FAM151B: variants seen among roughly 807,000 people sequenced by gnomAD.
The protein encoded by FAM151B is family with sequence similarity 151 member B, also known as protein FAM151B.
In FAM151B, 24 loss-of-function variants were observed where a neutral mutation model predicts 31.2. The ratio of observed to expected loss-of-function variants is 0.77; its 90% CI spans 0.56 to 1.08. FAM151B has a LOEUF of 1.08. FAM151B is among the 50% of genes least tolerant of loss of function. FAM151B has a pLI of 0.00. For missense variants in FAM151B, 293 were observed against 328.6 expected, an observed-to-expected ratio of 0.89 and a Z score of 0.84; for synonymous variants, 105 against 111.4, an observed-to-expected ratio of 0.94 and a Z score of 0.36.
At chr5:80,506,129 C>G (rs767577960) in intron 2 of FAM151B, 2 of 984,804 alleles carry the variant, frequency 2.0e-6, no homozygotes, top group Non-Finnish European at 2.4e-6. Context: ...ATTTGTAGCT[C>G]CAGGGGTGCA....
chr5:80,519,987 G>T, intron 4 of FAM151B, 77 bp downstream of exon 4: 2 of 1,348,664 alleles, frequency 1.5e-6, no homozygotes, highest in South Asian at 1.4e-5. Context: ...TTAATACAAA[G>T]ACCAAAACCC....
intron 1 of FAM151B, chr5:80,498,851 G>C: frequency 2.5e-6 from 1 of 399,408 alleles, no homozygotes; most frequent in Non-Finnish European, 4.8e-6. Flanking sequence ...CCAGTTGCTT[G>C]CCAGCAGAGA....
intron 3 of FAM151B, among the ~76,000 whole-genome samples, chr5:80,517,142 T>TGAGA (rs888398500): frequency 4.6e-5 from 7 of 151,378 alleles, no homozygotes; most frequent in Admixed American, 4.6e-4. Context: ...TATGCTATTT[T>TGAGA]GAGAGAGAGA....
chr5:80,495,668 A>C (rs1385966660), intron 1 of FAM151B, among the ~76,000 whole-genome samples: 6 of 152,094 alleles, frequency 3.9e-5, no homozygotes, highest in Non-Finnish European at 5.9e-5. Context: ...GTCTCTACTA[A>C]AAATGCAAAA....
intron 1 of FAM151B, among the ~76,000 whole-genome samples, chr5:80,499,126 G>A (rs1743651503): frequency 6.6e-6 from 1 of 152,166 alleles, no homozygotes. Flanking sequence ...GCACTTGCTA[G>A]GCTCTTAATA....
At chr5:80,530,898 T>C (rs972384938) in intron 5 of FAM151B, among the ~76,000 whole-genome samples, 6 of 152,142 alleles carry the variant, frequency 3.9e-5, no homozygotes, top group Non-Finnish European at 7.3e-5. Context: ...TTAAAATTCA[T>C]ATGGAACCAA....
chr5:80,514,398 C>T (rs866778589), intron 3 of FAM151B, among the ~76,000 whole-genome samples: 13 of 151,594 alleles, frequency 8.6e-5, no homozygotes, highest in Middle Eastern at 3.4e-3. Flanking sequence ...TTGCTTGAAC[C>T]TGGGAGGCGG....
intron 5 of FAM151B, among the ~76,000 whole-genome samples, chr5:80,535,663 G>C (rs447863): frequency 0.78 from 119,160 of 152,142 alleles, 46,895 homozygotes; most frequent in African/African-American, 0.84. Context: ...GGAAACCCTT[G>C]AAGACATTGG....
In FAM151B at chr5:80,519,787, C is replaced by G. The variant is rs200214780; in HGVS notation, c.412C>G (p.Pro138Ala). ...VWINADILPG[P>A]NGNSKVIDAK... ...GATTAATGCCGATATTCTTCCTGGT[C>G]CAAATGGAAATAGCAAAGTAATAGA... is the stretch of plus-strand genomic sequence containing the variant. Residue 138 changes from proline to alanine, a missense_variant, in exon 4 of 6, where the codon CCA becomes GCA. By Grantham distance (27) the Pro-to-Ala change is conservative. Transcript: ENST00000282226. 4.4e-5 allele frequency: 71 copies of G among 1,613,962 alleles called. No homozygotes were observed. The highest frequency in any genetic ancestry group is 5.7e-5 in the Non-Finnish European group (67 of 1,180,014).
intron 5 of FAM151B, among the ~76,000 whole-genome samples, chr5:80,541,041 G>A (rs925310005): frequency 2.6e-5 from 4 of 152,220 alleles, no homozygotes; most frequent in African/African-American, 7.2e-5. Context: ...AGAAGAAATA[G>A]AAGTGTACAG....
intron 2 of FAM151B, among the ~76,000 whole-genome samples, chr5:80,512,664 C>T (rs1412712976): frequency 6.6e-6 from 1 of 151,844 alleles, no homozygotes; most frequent in Non-Finnish European, 1.5e-5. Context: ...CACCTGTAGT[C>T]CTAGCTACTC....
intron 1 of FAM151B, among the ~76,000 whole-genome samples, chr5:80,499,259 A>G (rs1210630910): frequency 6.6e-6 from 1 of 152,190 alleles, no homozygotes; most frequent in Non-Finnish European, 1.5e-5. Context: ...TTTTGCTACC[A>G]CTTACCTTAG....
At chr5:80,515,216 G>A (rs146441991) in intron 3 of FAM151B, among the ~76,000 whole-genome samples, 4,856 of 151,700 alleles carry the variant, frequency 0.032, 131 homozygotes, top group Non-Finnish European at 0.053. Flanking sequence ...CTCCAGCCTC[G>A]GCAACAAGAG....
At chr5:80,488,381 G>C (rs1231596287) in intron 1 of FAM151B, among the ~76,000 whole-genome samples, 1 of 152,254 alleles carries the variant, frequency 6.6e-6, no homozygotes, top group Non-Finnish European at 1.5e-5. Context: ...CGTTAGGGGA[G>C]GTCGAGAATG....
At chr5:80,527,214 G>C (rs1745010061) in intron 5 of FAM151B, among the ~76,000 whole-genome samples, 1 of 152,070 alleles carries the variant, frequency 6.6e-6, no homozygotes, top group African/African-American at 2.4e-5. Flanking sequence ...CTTGAGTTCA[G>C]GAGTTCGAGA....
chr5:80,521,226 G>A (rs1264627712), intron 4 of FAM151B, among the ~76,000 whole-genome samples: 4 of 146,216 alleles, frequency 2.7e-5, no homozygotes, highest in Non-Finnish European at 6.0e-5. Flanking sequence ...CTGGGCTCAA[G>A]TGATCCTCCC....
intron 2 of FAM151B, among the ~76,000 whole-genome samples, chr5:80,512,920 T>G (rs1256101412): frequency 3.3e-5 from 5 of 152,168 alleles, no homozygotes; most frequent in African/African-American, 1.2e-4. Context: ...GGGATTTTGA[T>G]TTTCTGGGAT....
At chr5:80,493,807 A>G (rs1215016457) in intron 1 of FAM151B, among the ~76,000 whole-genome samples, 2 of 152,184 alleles carry the variant, frequency 1.3e-5, no homozygotes, top group Admixed American at 1.3e-4. Flanking sequence ...ACAGCGGGAC[A>G]TAGACCCTCA....
intron 2 of FAM151B, among the ~76,000 whole-genome samples, chr5:80,503,560 A>T (rs1378205963): frequency 1.3e-5 from 2 of 152,048 alleles, no homozygotes; most frequent in Non-Finnish European, 2.9e-5. Context: ...CAGAGTGAGG[A>T]CCTTGTCTCA....
Sources: allele counts gnomAD v4.1 joint callset (sites outside exome capture counted in the v4.1 genomes callset), GRCh38; gene constraint gnomAD v4.1.1; transcripts MANE v1.5; gene names NCBI Gene and HGNC (gene_info 2026-07-23, HGNC 2026-07-21).